Variants in NFIB observed in about 807,000 individuals in gnomAD.
The protein encoded by NFIB is nuclear factor 1 B-type.
A neutral mutation model predicts 61.5 loss-of-function variants in NFIB; 11 were observed. The observed-to-expected ratio is 0.18, with a 90% CI of 0.11 to 0.30. The LOEUF (loss-of-function observed/expected upper bound fraction) is 0.30. Ranked by LOEUF, NFIB falls within the 10% of genes least tolerant of loss-of-function variation. NFIB has a pLI of 1.00. For missense variants in NFIB, 471 were observed against 608.9 expected, an observed-to-expected ratio of 0.77 and a Z score of 2.38; for synonymous variants, 260 against 216.5, an observed-to-expected ratio of 1.20 and a Z score of -1.76.
chr9:14,277,717 T>A (rs2058096236), intron 2 of NFIB, among the ~76,000 whole-genome samples: 1 of 152,106 alleles, frequency 6.6e-6, no homozygotes. Flanking sequence ...AAACAGGGGG[T>A]TCAAATGTCA....
In NFIB at chr9:14,204,946, T is replaced by A. The variant is rs780511504; in HGVS notation, c.563-25166A>T. ...ACAACGACAGAGCCAATGAGATCCG[T>A]CATCACTGGGGAGGCAATGTCCTGG... On this transcript the variant is annotated intron_variant, in intron 2 of 10. Coordinates refer to ENST00000380953, the MANE Select transcript of NFIB (RefSeq NM_001190737.2). The A allele has an allele frequency of 2.7e-4, 93 of 340,104 alleles. 2 individuals are homozygous for A. Among genetic ancestry groups the A allele is most frequent in the South Asian group, 5.8e-4 (17 of 29,156 alleles). 21.1% of individuals were successfully genotyped at this position (340,104 alleles called of 1,614,324 possible).
chr9:14,303,532 T>C (rs1166304599), intron 2 of NFIB, among the ~76,000 whole-genome samples: 3 of 152,234 alleles, frequency 2.0e-5, no homozygotes, highest in African/African-American at 7.2e-5. Flanking sequence ...TGTCCCAGTT[T>C]TTTTAGACAA....
chr9:14,139,566 C>A (rs1017073312), intron 6 of NFIB, among the ~76,000 whole-genome samples: 1 of 152,102 alleles, frequency 6.6e-6, no homozygotes, highest in Non-Finnish European at 1.5e-5. Flanking sequence ...AACTAATTAT[C>A]TATTGTGGTT....
chr9:14,438,359 CTG>C, the NFIB span, among the ~76,000 whole-genome samples: 5 of 152,294 alleles, frequency 3.3e-5, no homozygotes, highest in African/African-American at 1.2e-4. Flanking sequence ...TCAACGCTTC[CTG>C]TGTGTATCAG....
At chr9:14,130,431 T>G (rs978664929) in intron 6 of NFIB, among the ~76,000 whole-genome samples, 2 of 152,220 alleles carry the variant, frequency 1.3e-5, no homozygotes, top group East Asian at 3.8e-4. Context: ...GAACAATGTT[T>G]TATCCACTGA....
intron 2 of NFIB, among the ~76,000 whole-genome samples, chr9:14,232,484 C>G (rs1447796994): frequency 1.3e-5 from 2 of 152,142 alleles, no homozygotes; most frequent in Non-Finnish European, 2.9e-5. Flanking sequence ...CACCACCTAC[C>G]TGCTCAAGGA....
chr9:14,212,484 G>A (rs2050414429), intron 2 of NFIB, among the ~76,000 whole-genome samples: 1 of 152,010 alleles, frequency 6.6e-6, no homozygotes, highest in East Asian at 1.9e-4. Flanking sequence ...TTAAAACAAG[G>A]TTAGAAAACA....
intron 3 of NFIB, among the ~76,000 whole-genome samples, chr9:14,176,952 G>A (rs2046254156): frequency 6.6e-6 from 1 of 152,192 alleles, no homozygotes; most frequent in Admixed American, 6.5e-5. Flanking sequence ...TTCCCAAGCT[G>A]TTGGGGAATA....
At chr9:14,297,092 T>G (rs144816017) in intron 2 of NFIB, among the ~76,000 whole-genome samples, 2 of 152,276 alleles carry the variant, frequency 1.3e-5, no homozygotes, top group African/African-American at 4.8e-5. Context: ...AAACTTTAAC[T>G]CAACAGGTGA....
At chr9:14,520,155 A>G in the NFIB span, among the ~76,000 whole-genome samples, 1 of 151,984 alleles carries the variant, frequency 6.6e-6, no homozygotes, top group Non-Finnish European at 1.5e-5. Flanking sequence ...ATTTCAGGGA[A>G]AAAAATAACT....
At chr9:14,497,892 A>G in the NFIB span, among the ~76,000 whole-genome samples, 3 of 152,216 alleles carry the variant, frequency 2.0e-5, no homozygotes, top group Non-Finnish European at 4.4e-5. Flanking sequence ...GGAAGCCTCA[A>G]GATGAAGTAA....
chr9:14,184,935 A>G (rs539099386), intron 2 of NFIB, among the ~76,000 whole-genome samples: 1 of 152,138 alleles, frequency 6.6e-6, no homozygotes, highest in South Asian at 2.1e-4. Flanking sequence ...AGACATGAGA[A>G]TCACTTGGAC....
chr9:14,102,422 C>G, intron 10 of NFIB: 1 of 1,549,364 alleles, frequency 6.5e-7, no homozygotes, highest in Middle Eastern at 1.7e-4. Flanking sequence ...AAAATGTTAC[C>G]TTTGCCAAGT....
At chr9:14,383,320 G>A (rs2061509756) in intron 1 of NFIB, among the ~76,000 whole-genome samples, 1 of 152,158 alleles carries the variant, frequency 6.6e-6, no homozygotes, top group South Asian at 2.1e-4. Flanking sequence ...GTATATCCTA[G>A]TACACTATTG....
intron 1 of NFIB, among the ~76,000 whole-genome samples, chr9:14,329,911 C>T (rs1033075120): frequency 6.6e-6 from 1 of 151,826 alleles, no homozygotes; most frequent in Non-Finnish European, 1.5e-5. Flanking sequence ...ATCACGAGGT[C>T]AGGAGATCAA....
At chr9:14,441,447 G>A in the NFIB span, among the ~76,000 whole-genome samples, 1 of 152,120 alleles carries the variant, frequency 6.6e-6, no homozygotes, top group African/African-American at 2.4e-5. Context: ...TATGGTGAAC[G>A]TGCTTATAGT....
the NFIB span, among the ~76,000 whole-genome samples, chr9:14,417,096 G>A: frequency 6.6e-6 from 1 of 151,296 alleles, no homozygotes; most frequent in Non-Finnish European, 1.5e-5. Context: ...GTTTCACCAT[G>A]TTGCTAGGCT....
intron 1 of NFIB, chr9:14,308,139 T>G (rs900440627): frequency 6.6e-6 from 1 of 152,206 alleles, no homozygotes; most frequent in Admixed American, 6.5e-5. Context: ...CTTGATCCAT[T>G]TTCTTATCAA....
the NFIB span, among the ~76,000 whole-genome samples, chr9:14,412,922 G>A: frequency 6.6e-6 from 1 of 152,120 alleles, no homozygotes; most frequent in Admixed American, 6.6e-5. Context: ...AATACACTAG[G>A]AAGGGCGCCT....
Sources: allele counts gnomAD v4.1 joint callset (sites outside exome capture counted in the v4.1 genomes callset), GRCh38; gene constraint gnomAD v4.1.1; transcripts MANE v1.5; gene names NCBI Gene and HGNC (gene_info 2026-07-23, HGNC 2026-07-21).